Variants in MLLT10 observed in about 807,000 individuals in gnomAD.
The protein encoded by MLLT10 is MLLT10 histone lysine methyltransferase DOT1L cofactor.
In MLLT10, 30 loss-of-function variants were observed where a neutral mutation model predicts 129.1. The observed-to-expected ratio is 0.23, with a 90% CI of 0.17 to 0.32. The LOEUF (loss-of-function observed/expected upper bound fraction) is 0.32. Among genes scored for constraint, MLLT10 ranks in the 10% least tolerant of loss-of-function variants. The probability of loss-of-function intolerance (pLI) is 1.00; values close to 1 mark genes in which losing one functional copy is unlikely to be tolerated. For missense variants in MLLT10, 1,119 were observed against 1,268.3 expected (o/e 0.88, Z 1.79); for synonymous variants, 490 against 446.4 (o/e 1.10, Z -1.23).
chr10:21,687,571 C>T (rs1309520480), intron 13 of MLLT10, among the ~76,000 whole-genome samples: 1 of 152,130 alleles, frequency 6.6e-6, no homozygotes, highest in Non-Finnish European at 1.5e-5. Flanking sequence ...TATGCTTATA[C>T]AGTAAACTGT....
At chr10:21,738,183 G>C (rs1053407709) in intron 21 of MLLT10, among the ~76,000 whole-genome samples, 2 of 151,864 alleles carry the variant, frequency 1.3e-5, no homozygotes, top group South Asian at 4.2e-4. Flanking sequence ...CAGGAGAATC[G>C]CTTGAACCAG....
At chr10:21,734,932 A>G (rs1383079040) in intron 20 of MLLT10, among the ~76,000 whole-genome samples, 1 of 152,206 alleles carries the variant, frequency 6.6e-6, no homozygotes, top group East Asian at 1.9e-4. Flanking sequence ...ATTTCTTGAC[A>G]ATGTGAATTC....
At chr10:21,536,508 G>C (rs2034033964) in intron 2 of MLLT10, among the ~76,000 whole-genome samples, 1 of 152,184 alleles carries the variant, frequency 6.6e-6, no homozygotes, top group Non-Finnish European at 1.5e-5. Context: ...TTTGGGCAAT[G>C]ATGCTGTGTT....
At chr10:21,624,712 G>A in intron 8 of MLLT10, 1 of 1,343,642 alleles carries the variant, frequency 7.4e-7, no homozygotes, top group Non-Finnish European at 1.1e-6. Flanking sequence ...GAGAGACCCA[G>A]TTCTGTTGTT....
rs117348522 is a variant in MLLT10 at position 21,626,849 on chromosome 10, A to G, written c.699+9642A>G. Among the ~76,000 whole-genome samples, 1,184 of 152,228 alleles carry G rather than the reference A, an allele frequency of 7.8e-3. 19 individuals are homozygous for G. Among genetic ancestry groups the G allele is most frequent in the Middle Eastern group, 0.017 (5 of 294 alleles). ...TCAAGTTGAACCTTTCAGCATCTGT[A>G]TATGTGAAGAGTTAAGAGAGGACAG... On this transcript the variant is annotated intron_variant, in intron 8 of 22. Coordinates refer to ENST00000307729, the MANE Select transcript of MLLT10 (RefSeq NM_001195626.3).
rs1020853777 is a variant in MLLT10 at position 21,626,268 on chromosome 10, C to T, written c.699+9061C>T. The T allele has an allele frequency of 3.2e-5, 47 of 1,472,072 alleles. 1 individual carries two copies. Among genetic ancestry groups the T allele is most frequent in the Admixed American group, 2.2e-4 (13 of 59,746 alleles). 91.2% of individuals were successfully genotyped at this position (1,472,072 alleles called of 1,614,324 possible). A position where few individuals can be genotyped will look rare whatever the true frequency, so the allele number is the denominator to read the frequency against. On this transcript the variant is annotated intron_variant, in intron 8 of 22. Transcript: ENST00000307729. ...GCATCAATTGCTCTTTCATCAAGAT[C>T]GATACAAGCTATCAATCCAGGGCAG...
intron 3 of MLLT10, among the ~76,000 whole-genome samples, chr10:21,544,809 G>A (rs534559167): frequency 2.0e-5 from 3 of 152,262 alleles, no homozygotes; most frequent in Non-Finnish European, 4.4e-5. Context: ...GAAGACTAAA[G>A]AAAGACCTGT....
chr10:21,674,800 A>G (rs747917365), intron 11 of MLLT10, among the ~76,000 whole-genome samples: 5 of 152,200 alleles, frequency 3.3e-5, no homozygotes, highest in Non-Finnish European at 7.4e-5. Context: ...GAATTTAGGT[A>G]AGATAAATTA....
At chr10:21,695,849 T>TACTAA (rs1359046561) in intron 13 of MLLT10, among the ~76,000 whole-genome samples, 4,304 of 152,272 alleles carry the variant, frequency 0.028, 201 homozygotes, top group African/African-American at 0.097. Context: ...TATAAATTCA[T>TACTAA]ATGGCAGACT....
At chr10:21,665,288 TG>T (rs1418941606) in intron 9 of MLLT10, among the ~76,000 whole-genome samples, 1 of 125,438 alleles carries the variant, frequency 8.0e-6, no homozygotes, top group African/African-American at 3.0e-5. Flanking sequence ...TTTGTTTGTT[TG>T]TTTGTTTTTT....
At chr10:21,640,202 ATATAT>A (rs778903542) in intron 8 of MLLT10, among the ~76,000 whole-genome samples, 310 of 144,174 alleles carry the variant, frequency 2.2e-3, no homozygotes, top group East Asian at 7.3e-3. Context: ...TATAATATTT[ATATAT>A]TATATTATAT....
In MLLT10 at chr10:21,562,890, G is replaced by A. The variant is rs539583848; in HGVS notation, c.241-23404G>A. 2.9e-5 allele frequency among the ~76,000 whole-genome samples: 4 copies of A among 138,490 alleles called. No individual in the cohort carries two copies. The East Asian group carries it at 8.5e-4, about 29-fold the overall frequency. The allele number at this position is 138,490 out of a possible 152,430, so 90.9% of individuals were successfully genotyped here. A position where few individuals can be genotyped will look rare whatever the true frequency, so the allele number is the denominator to read the frequency against. On this transcript the variant is annotated intron_variant, in intron 3 of 22. Transcript: ENST00000307729. ...GCTGGAGTGCAATGGCACGATCTTG[G>A]CTCACCACAGCCTCCGCCTCCTGGG...
chr10:21,719,983 C>G (rs928460693), intron 14 of MLLT10, among the ~76,000 whole-genome samples: 9 of 152,128 alleles, frequency 5.9e-5, no homozygotes, highest in Non-Finnish European at 5.9e-5. Flanking sequence ...TTCCCAGTTC[C>G]AAAATTATTT....
At chr10:21,561,766 ACT>A (rs1317875892) in intron 3 of MLLT10, among the ~76,000 whole-genome samples, 1 of 151,096 alleles carries the variant, frequency 6.6e-6, no homozygotes, top group Admixed American at 6.6e-5. Flanking sequence ...TTATTTCTGA[ACT>A]CTCTATTCTC....
chr10:21,651,945 C>T (rs2049085993), intron 9 of MLLT10, among the ~76,000 whole-genome samples, 177 bp downstream of exon 9: 1 of 128,680 alleles, frequency 7.8e-6, no homozygotes, highest in African/African-American at 3.0e-5. Context: ...TGGAGTCTCG[C>T]TCTGTCACCC....
At chr10:21,642,907 G>T (rs752605166) in intron 8 of MLLT10, among the ~76,000 whole-genome samples, 5 of 152,094 alleles carry the variant, frequency 3.3e-5, no homozygotes, top group Non-Finnish European at 5.9e-5. Flanking sequence ...TCACTATTTG[G>T]CAGACTTATG....
At chr10:21,585,113 G>A (rs1405955627) in intron 3 of MLLT10, among the ~76,000 whole-genome samples, 2 of 151,636 alleles carry the variant, frequency 1.3e-5, no homozygotes, top group Admixed American at 6.6e-5. Context: ...TTGTAGAGGT[G>A]GGATTTTGCC....
chr10:21,730,720 GATA>G (rs2057900501), intron 16 of MLLT10, among the ~76,000 whole-genome samples, 177 bp from the exon 17 acceptor site: 1 of 152,126 alleles, frequency 6.6e-6, no homozygotes, highest in Non-Finnish European at 1.5e-5. Context: ...GAGGAAGAAT[GATA>G]ATTACTCAAT....
chr10:21,641,044 G>A (rs1334274769), intron 8 of MLLT10, among the ~76,000 whole-genome samples: 3 of 152,184 alleles, frequency 2.0e-5, no homozygotes, highest in Non-Finnish European at 4.4e-5. Context: ...ACCAGGCCTA[G>A]AGGTGACACA....
Sources: allele counts gnomAD v4.1 joint callset (sites outside exome capture counted in the v4.1 genomes callset), GRCh38; gene constraint gnomAD v4.1.1; transcripts MANE v1.5; gene names NCBI Gene and HGNC (gene_info 2026-07-23, HGNC 2026-07-21).